Variants in PARD3 observed in about 807,000 individuals in gnomAD.
PARD3 encodes the protein par-3 family cell polarity regulator.
A neutral mutation model predicts 155.4 loss-of-function variants in PARD3; 75 were observed. The ratio of observed to expected loss-of-function variants is 0.48; its 90% CI spans 0.40 to 0.58. PARD3 has a LOEUF of 0.58. PARD3 is among the 20% of genes least tolerant of loss of function. PARD3 has a pLI of 0.00. For missense variants in PARD3, 1,642 were observed against 1,721.7 expected (o/e 0.95, Z 0.82); for synonymous variants, 576 against 610.5 (o/e 0.94, Z 0.83).
intron 22 of PARD3, among the ~76,000 whole-genome samples, chr10:34,204,346 A>G (rs75577284): frequency 0.029 from 4,363 of 152,248 alleles, 91 homozygotes; most frequent in Non-Finnish European, 0.041. Flanking sequence ...CAAGATAACC[A>G]CCTTACATAT....
intron 19 of PARD3, among the ~76,000 whole-genome samples, chr10:34,321,695 T>C (rs929294539): frequency 3.3e-5 from 5 of 152,354 alleles, no homozygotes; most frequent in Non-Finnish European, 7.3e-5. Flanking sequence ...TTTCAACAGA[T>C]GCAAATGGAG....
chr10:34,168,733 G>A (rs1423927328), intron 22 of PARD3, among the ~76,000 whole-genome samples: 1 of 152,158 alleles, frequency 6.6e-6, no homozygotes, highest in Non-Finnish European at 1.5e-5. Context: ...ATGATGTTTG[G>A]TAACATATTT....
intron 3 of PARD3, among the ~76,000 whole-genome samples, chr10:34,498,792 A>C (rs1200740280): frequency 6.6e-6 from 1 of 152,206 alleles, no homozygotes; most frequent in African/African-American, 2.4e-5. Context: ...GAAATAAAAA[A>C]TAAACAAAAA....
chr10:34,793,923 A>G (rs922539849), intron 1 of PARD3, among the ~76,000 whole-genome samples: 4 of 152,238 alleles, frequency 2.6e-5, no homozygotes, highest in Non-Finnish European at 5.9e-5. Flanking sequence ...AATTAGAGGT[A>G]AAGTATCTCA....
At chr10:34,655,039 C>T (rs1674165001) in intron 2 of PARD3, among the ~76,000 whole-genome samples, 1 of 151,456 alleles carries the variant, frequency 6.6e-6, no homozygotes, top group Non-Finnish European at 1.5e-5. Flanking sequence ...TTGCTGAGCA[C>T]GTCAACAACT....
intron 2 of PARD3, among the ~76,000 whole-genome samples, chr10:34,627,982 T>G (rs1338287624): frequency 6.6e-6 from 1 of 152,154 alleles, no homozygotes; most frequent in Non-Finnish European, 1.5e-5. Context: ...GTCTGCTTTC[T>G]GCTCTAAAGC....
intron 1 of PARD3, among the ~76,000 whole-genome samples, chr10:34,730,794 A>G (rs545233034): frequency 2.2e-4 from 34 of 152,300 alleles, no homozygotes; most frequent in African/African-American, 7.5e-4. Context: ...AATAAAATTG[A>G]AATTAATAAA....
At chr10:34,397,284 C>G (rs1053642515) in intron 7 of PARD3, among the ~76,000 whole-genome samples, 5 of 152,192 alleles carry the variant, frequency 3.3e-5, no homozygotes, top group African/African-American at 1.2e-4. Context: ...CCATGACTAT[C>G]AATTCCACAA....
At chr10:34,384,831 A>C (rs2132024222) in intron 7 of PARD3, among the ~76,000 whole-genome samples, 1 of 152,332 alleles carries the variant, frequency 6.6e-6, no homozygotes, top group East Asian at 1.9e-4. Flanking sequence ...GTCTCCCAAA[A>C]GTAAGTCATT....
chr10:34,166,944 T>G (rs1949557814), intron 22 of PARD3, among the ~76,000 whole-genome samples: 1 of 152,198 alleles, frequency 6.6e-6, no homozygotes, highest in South Asian at 2.1e-4. Flanking sequence ...AGTCACTATT[T>G]GCAAAACAAA....
chr10:34,112,294 A>G (rs1327330999), intron 24 of PARD3, among the ~76,000 whole-genome samples: 1 of 152,152 alleles, frequency 6.6e-6, no homozygotes, highest in Non-Finnish European at 1.5e-5. Flanking sequence ...GCTTTCTGTC[A>G]CCCCAGGATA....
chr10:34,252,758 C>A (rs1374707863), intron 22 of PARD3, among the ~76,000 whole-genome samples: 1 of 149,598 alleles, frequency 6.7e-6, no homozygotes, highest in African/African-American at 2.5e-5. Flanking sequence ...GTATGTATGT[C>A]TATATATATA....
chr10:34,188,699 A>C (rs1002951731), intron 22 of PARD3, among the ~76,000 whole-genome samples: 6 of 152,196 alleles, frequency 3.9e-5, no homozygotes, highest in Non-Finnish European at 7.3e-5. Flanking sequence ...GGGTTGAAGA[A>C]TTTGGGGCTT....
At chr10:34,154,116 A>T (rs945578559) in intron 22 of PARD3, among the ~76,000 whole-genome samples, 3 of 152,218 alleles carry the variant, frequency 2.0e-5, no homozygotes, top group African/African-American at 7.2e-5. Context: ...TTCTCCAGTA[A>T]TGGAGCAGCT....
intron 22 of PARD3, among the ~76,000 whole-genome samples, chr10:34,179,006 C>A (rs903077356): frequency 3.9e-5 from 6 of 152,260 alleles, no homozygotes; most frequent in Non-Finnish European, 8.8e-5. Context: ...AACACACTGA[C>A]CCTGCCCCAA....
intron 1 of PARD3, among the ~76,000 whole-genome samples, chr10:34,785,561 C>T (rs760874376): frequency 1.3e-5 from 2 of 151,966 alleles, no homozygotes. Flanking sequence ...GCCTGGGTAA[C>T]ACGGCGAGAC....
intron 2 of PARD3, among the ~76,000 whole-genome samples, chr10:34,558,946 TGTAA>T (rs575757963): frequency 1.4e-4 from 21 of 152,194 alleles, no homozygotes; most frequent in Admixed American, 3.3e-4. Flanking sequence ...GACCCGGTCT[TGTAA>T]GTAAGTAAGT....
At chr10:34,303,069 TAA>T (rs869118245) in intron 20 of PARD3, among the ~76,000 whole-genome samples, 35 of 33,100 alleles carry the variant, frequency 1.1e-3, no homozygotes, top group South Asian at 5.3e-3. Context: ...AACCAAGTTT[TAA>T]AAAAAAAAAA....
At chr10:34,198,453 GGTGTGTGT>G (rs59976562) in intron 22 of PARD3, among the ~76,000 whole-genome samples, 220 of 147,006 alleles carry the variant, frequency 1.5e-3, no homozygotes, top group African/African-American at 3.8e-3. Context: ...ATCACTAATT[GGTGTGTGT>G]GTGTGTGTGT....
Sources: gnomAD v4.1 joint callset for allele counts (sites outside exome capture counted in the v4.1 genomes callset) on GRCh38, gnomAD v4.1.1 for gene constraint, MANE v1.5 for transcripts, NCBI Gene and HGNC (gene_info 2026-07-23, HGNC 2026-07-21) for gene names.